The following CDH11 variants were observed in gnomAD, a reference collection of about 807,000 sequenced individuals.
CDH11 encodes the protein cadherin 11.
Under a neutral mutation model 67.8 loss-of-function variants are expected in CDH11, and 11 were observed. That is an observed-to-expected ratio of 0.16 (90% CI 0.10 to 0.27). CDH11 has a LOEUF of 0.27. Among genes scored for constraint, CDH11 ranks in the 10% least tolerant of loss-of-function variants. The probability of loss-of-function intolerance (pLI) is 1.00; values close to 1 mark genes in which losing one functional copy is unlikely to be tolerated. For synonymous variants in CDH11, 419 were observed against 400.0 expected (o/e 1.05, Z -0.57); for missense variants, 847 against 1,031.2 (o/e 0.82, Z 2.45).
At chr16:65,064,505 A>G (rs928028701) in intron 1 of CDH11, among the ~76,000 whole-genome samples, 2 of 152,232 alleles carry the variant, frequency 1.3e-5, no homozygotes, top group Non-Finnish European at 2.9e-5. Flanking sequence ...GGGCCCCACC[A>G]ATTGCCAGAT....
Position 64,944,520 on chromosome 16 carries a change from C to A in CDH11, c.*3083G>T, listed in dbSNP as rs1213592005. 1 of 233,162 alleles carries A rather than the reference C, an allele frequency of 4.3e-6. No homozygotes were observed. The highest frequency in any genetic ancestry group is 8.5e-6 in the Non-Finnish European group (1 of 118,102). The allele number at this position is 233,162 out of a possible 1,614,324, so 14.4% of individuals were successfully genotyped here. On this transcript the variant is annotated 3_prime_UTR_variant, in exon 13 of 13. Coordinates refer to ENST00000268603, the MANE Select transcript of CDH11 (RefSeq NM_001797.4). ...CTGCTCAGAGACTCCAACTGCCCAG[C>A]CCCCATTCACCCCCATTGTCTTATA...
intron 1 of CDH11, among the ~76,000 whole-genome samples, chr16:65,115,356 C>T (rs1376339177): frequency 1.3e-5 from 2 of 152,078 alleles, no homozygotes; most frequent in Admixed American, 6.6e-5. Context: ...CAATTCATTG[C>T]TAATTGGGAG....
intron 1 of CDH11, among the ~76,000 whole-genome samples, chr16:65,100,694 C>T (rs1197762472): frequency 4.8e-4 from 72 of 148,496 alleles, no homozygotes; most frequent in Non-Finnish European, 3.6e-4. Context: ...GCTGAGATCG[C>T]GCCACTGCAC....
intron 3 of CDH11, among the ~76,000 whole-genome samples, chr16:64,999,944 A>G (rs1202360555): frequency 6.6e-6 from 1 of 152,182 alleles, no homozygotes; most frequent in Non-Finnish European, 1.5e-5. Flanking sequence ...ACCTTTCCAG[A>G]AGACCTGCTT....
At chr16:65,011,141 C>T (rs1307832486) in intron 2 of CDH11, among the ~76,000 whole-genome samples, 1 of 150,000 alleles carries the variant, frequency 6.7e-6, no homozygotes, top group Non-Finnish European at 1.5e-5. Flanking sequence ...ACATATATCA[C>T]TCAGACTTTA....
At chr16:65,008,317 C>G (rs2073105702) in intron 2 of CDH11, among the ~76,000 whole-genome samples, 1 of 152,170 alleles carries the variant, frequency 6.6e-6, no homozygotes, top group African/African-American at 2.4e-5. Context: ...GGAAAGAATA[C>G]TGAATCAATT....
intron 2 of CDH11, among the ~76,000 whole-genome samples, chr16:65,009,436 G>T (rs2142542085): frequency 6.6e-6 from 1 of 152,118 alleles, no homozygotes; most frequent in African/African-American, 2.4e-5. Flanking sequence ...AAATGTGTAG[G>T]TTACAAAAGT....
chr16:64,999,314 A>G (rs540609941), intron 3 of CDH11, among the ~76,000 whole-genome samples: 12 of 152,248 alleles, frequency 7.9e-5, no homozygotes, highest in African/African-American at 2.9e-4. Flanking sequence ...TGTGAATCCT[A>G]TAAGAGATAT....
intron 2 of CDH11, among the ~76,000 whole-genome samples, chr16:65,006,600 T>G (rs2073060350): frequency 6.6e-6 from 1 of 152,222 alleles, no homozygotes. Context: ...AGTTGGGAAC[T>G]GGACATGCAA....
chr16:64,960,533 C>T (rs2071645206), intron 11 of CDH11, among the ~76,000 whole-genome samples: 1 of 151,948 alleles, frequency 6.6e-6, no homozygotes, highest in South Asian at 2.1e-4. Context: ...CAAGGCAGCC[C>T]AAATGTTCTG....
chr16:65,007,306 T>C (rs750918269), intron 2 of CDH11, among the ~76,000 whole-genome samples: 15 of 152,222 alleles, frequency 9.9e-5, no homozygotes, highest in Non-Finnish European at 1.8e-4. Flanking sequence ...GATGGTATTA[T>C]GTTAGTCTTT....
chr16:65,064,234 C>T (rs1223919753), intron 1 of CDH11, among the ~76,000 whole-genome samples: 1 of 152,208 alleles, frequency 6.6e-6, no homozygotes. Context: ...AAGACTTTGG[C>T]ATAAGATGCA....
In CDH11 at chr16:64,950,770, G is replaced by A; in HGVS notation, c.1891C>T (p.Leu631=). ...GGGGACCAGGAAGCGCCCTTACCCA[G>A]GAGAATGACGATGCAGGCGAGGATG... The part of the protein sequence containing the change: ...IAILACIVIL[L]VIVVLFVTLR... Residue 631 remains leucine, a synonymous_variant, in exon 12 of 13, where the codon CTG becomes TTG. Transcript: ENST00000268603. The A allele has an allele frequency of 6.2e-7, 1 of 1,613,640 alleles. No homozygotes were observed.
intron 1 of CDH11, among the ~76,000 whole-genome samples, chr16:65,068,737 C>T (rs1014938448): frequency 6.6e-6 from 1 of 152,142 alleles, no homozygotes; most frequent in Non-Finnish European, 1.5e-5. Context: ...ACATTAAAGA[C>T]CAGGTTAGCA....
At chr16:65,057,133 T>C (rs1054043048) in intron 1 of CDH11, among the ~76,000 whole-genome samples, 4 of 152,164 alleles carry the variant, frequency 2.6e-5, no homozygotes, top group Non-Finnish European at 5.9e-5. Context: ...CGGGCTATAG[T>C]GGGTCATCTG....
intron 2 of CDH11, among the ~76,000 whole-genome samples, chr16:65,012,253 C>G (rs1032025911): frequency 6.6e-6 from 1 of 152,202 alleles, no homozygotes; most frequent in Non-Finnish European, 1.5e-5. Flanking sequence ...TCCACAACTT[C>G]CAATGCCTGG....
At chr16:65,061,925 C>A (rs1326655932) in intron 1 of CDH11, among the ~76,000 whole-genome samples, 2 of 152,144 alleles carry the variant, frequency 1.3e-5, no homozygotes, top group Non-Finnish European at 2.9e-5. Flanking sequence ...CTTCATTTCA[C>A]AACTAGGAAA....
intron 2 of CDH11, among the ~76,000 whole-genome samples, chr16:65,043,100 A>G (rs1214695106): frequency 6.6e-6 from 1 of 152,214 alleles, no homozygotes; most frequent in Admixed American, 6.5e-5. Context: ...ATCTGCCTTC[A>G]GAGTAGAAGT....
rs755393719 is a variant in CDH11, at chr16:64,998,684, T to C, written c.401A>G (p.Asp134Gly). Residue 134 changes from aspartate (D) to glycine (G), a missense_variant, in exon 4 of 13, where the codon GAC becomes GGC. Physicochemically the swap from Asp to Gly is moderately conservative, Grantham distance 94. Around this residue, in one of 2 missense-constraint regions of CDH11, gnomAD observed 235 missense variants for 352.5 expected, o/e 0.67. Coordinates refer to ENST00000268603, the MANE Select transcript of CDH11 (RefSeq NM_001797.4). ...CGGTGGCTCCAGTGGCCGATTGGTG[T>C]CCCTGTCCACCGCCTGAGCCATCAA... ...YTLMAQAVDR[D>G]TNRPLEPPSE... 1 of 1,613,938 alleles carries C rather than the reference T, an allele frequency of 6.2e-7. No homozygotes were observed. The highest frequency in any genetic ancestry group is 8.5e-7 in the Non-Finnish European group (1 of 1,180,034).
Sources: allele counts gnomAD v4.1 joint callset (sites outside exome capture counted in the v4.1 genomes callset), GRCh38; gene constraint gnomAD v4.1.1; regional missense constraint gnomAD v4.1.1; transcripts MANE v1.5; gene names NCBI Gene and HGNC (gene_info 2026-07-23, HGNC 2026-07-21).